Variants in DDAH1 observed in about 807,000 individuals in gnomAD.
The protein encoded by DDAH1 is N(G),N(G)-dimethylarginine dimethylaminohydrolase 1.
Under a neutral mutation model 28.8 loss-of-function variants are expected in DDAH1, and 19 were observed. The observed-to-expected ratio is 0.66, with a 90% confidence interval of 0.46 to 0.97. The LOEUF (loss-of-function observed/expected upper bound fraction) is 0.97. Ranked by LOEUF, DDAH1 falls within the 50% of genes least tolerant of loss-of-function variation. The pLI, the probability that DDAH1 is intolerant of heterozygous loss-of-function variation, is 0.00. For missense variants in DDAH1, 326 were observed against 375.9 expected, an observed-to-expected ratio of 0.87 and a Z score of 1.10; for synonymous variants, 153 against 154.4, an observed-to-expected ratio of 0.99 and a Z score of 0.07.
rs538069065 is a variant in DDAH1 at position 85,575,006 on chromosome 1, G to A, written c.-123+2978C>T. Among the ~76,000 whole-genome samples the A allele has an allele frequency of 1.2e-4, 18 of 152,230 alleles. No homozygotes were observed. In the South Asian group the frequency reaches 2.9e-3, roughly 25 times the overall value. On this transcript the variant is annotated intron_variant, in intron 1 of 6. Transcript: ENST00000426972. The stretch of plus-strand genomic sequence containing the variant: ...TGCAATCTCAGCACTTGGGGAGGCC[G>A]AGATGGGCAGATCGCTTGAGCCCAG...
At chr1:85,570,218 C>A (rs1445836401) in intron 1 of DDAH1, among the ~76,000 whole-genome samples, 1 of 152,168 alleles carries the variant, frequency 6.6e-6, no homozygotes, top group African/African-American at 2.4e-5. Flanking sequence ...TTCTTTCTTG[C>A]TACCACGTGG....
Position 85,392,448 on chromosome 1 carries a change from G to A in DDAH1, c.304-33601C>T, listed in dbSNP as rs147192329. Among the ~76,000 whole-genome samples, 1,173 of 152,228 alleles carry A rather than the reference G, an allele frequency of 7.7e-3. 5 individuals carry two copies. Among genetic ancestry groups the A allele is most frequent in the Non-Finnish European group, 0.012 (797 of 68,008 alleles). On this transcript the variant is annotated intron_variant, in intron 1 of 5. Transcript: ENST00000284031. ...GTTAGGACTTCAACATACGAATTCT[G>A]AGAGGGTATCAATTCAACTCATAAC... is the stretch of plus-strand genomic sequence containing the variant.
intron 1 of DDAH1, among the ~76,000 whole-genome samples, chr1:85,422,659 G>T (rs547190697): frequency 2.0e-5 from 3 of 152,288 alleles, no homozygotes; most frequent in African/African-American, 7.2e-5. Context: ...AGATCCTTTT[G>T]CCACTGAGTG....
chr1:85,415,260 C>T (rs1410078000), intron 1 of DDAH1, among the ~76,000 whole-genome samples: 2 of 152,094 alleles, frequency 1.3e-5, no homozygotes, highest in African/African-American at 4.8e-5. Flanking sequence ...GTGATCCACC[C>T]ACCTTGGCCT....
chr1:85,437,142 C>G (rs1167279131), intron 1 of DDAH1, among the ~76,000 whole-genome samples: 2 of 152,132 alleles, frequency 1.3e-5, no homozygotes, highest in Non-Finnish European at 2.9e-5. Flanking sequence ...AGCCCCTCCA[C>G]ACACACTGGG....
rs145677190 is a variant in DDAH1, at chr1:85,338,940, A to T, written c.597+11475T>A. On this transcript the variant is annotated intron_variant, in intron 4 of 5. Coordinates refer to ENST00000284031, the MANE Select transcript of DDAH1 (RefSeq NM_012137.4). ...TATATGTCTGTAATCCCAGCTACTCAGGAGGCTGAAGAAGGAGAATTGCTT... is the reference window on the plus strand; with the variant it reads ...TATATGTCTGTAATCCCAGCTACTCTGGAGGCTGAAGAAGGAGAATTGCTT... 6.2e-3 allele frequency among the ~76,000 whole-genome samples: 940 copies of T among 151,410 alleles called. 8 individuals carry two copies. Among genetic ancestry groups the T allele is most frequent in the African/African-American group, 0.022 (911 of 41,260 alleles).
intron 2 of DDAH1, among the ~76,000 whole-genome samples, chr1:85,481,515 A>G (rs74098853): frequency 0.018 from 2,799 of 152,336 alleles, 44 homozygotes; most frequent in Middle Eastern, 0.071. Flanking sequence ...ATAACTACCC[A>G]TGTGAATGAT....
intron 1 of DDAH1, among the ~76,000 whole-genome samples, chr1:85,412,145 G>T (rs1312648997): frequency 1.3e-5 from 2 of 152,150 alleles, no homozygotes; most frequent in African/African-American, 4.8e-5. Flanking sequence ...CATGTGAAAG[G>T]TTTTGTTTTA....
intron 5 of DDAH1, 82 bp from the exon 6 acceptor site, chr1:85,321,650 A>G: frequency 1.9e-6 from 2 of 1,072,900 alleles, no homozygotes; most frequent in Non-Finnish European, 2.9e-6. Context: ...TTTGATTTGT[A>G]CATCTAGGCT....
intron 1 of DDAH1, among the ~76,000 whole-genome samples, chr1:85,514,689 T>C (rs1157736784): frequency 4.0e-5 from 6 of 151,660 alleles, no homozygotes; most frequent in African/African-American, 7.3e-5. Flanking sequence ...TGAATTTTTA[T>C]GTATTCAATG....
chr1:85,558,065 A>G (rs973747424), intron 1 of DDAH1, among the ~76,000 whole-genome samples: 2 of 150,364 alleles, frequency 1.3e-5, no homozygotes, highest in African/African-American at 4.9e-5. Context: ...CAAACCAGTA[A>G]AAAAAAAAAA....
chr1:85,497,821 T>G (rs920146048), intron 1 of DDAH1, among the ~76,000 whole-genome samples: 1 of 152,340 alleles, frequency 6.6e-6, no homozygotes, highest in Middle Eastern at 3.4e-3. Flanking sequence ...AAATCATCAA[T>G]GACACATTTT....
At chr1:85,442,039 T>C (rs957183241) in intron 1 of DDAH1, among the ~76,000 whole-genome samples, 8 of 152,270 alleles carry the variant, frequency 5.3e-5, no homozygotes, top group African/African-American at 1.4e-4. Flanking sequence ...AAACTTTTTT[T>C]TTTTAATGCT....
At chr1:85,387,049 C>T (rs1177973647) in intron 1 of DDAH1, among the ~76,000 whole-genome samples, 1 of 152,138 alleles carries the variant, frequency 6.6e-6, no homozygotes, top group African/African-American at 2.4e-5. Flanking sequence ...ACCACTCTGA[C>T]CTCCTAGGTC....
chr1:85,326,348 G>A (rs1647395702), intron 4 of DDAH1, among the ~76,000 whole-genome samples: 1 of 152,232 alleles, frequency 6.6e-6, no homozygotes, highest in Admixed American at 6.5e-5. Flanking sequence ...TTACAGTTTA[G>A]TGGAGGAAAC....
chr1:85,573,702 A>T (rs1659521011), intron 1 of DDAH1, among the ~76,000 whole-genome samples: 1 of 152,242 alleles, frequency 6.6e-6, no homozygotes, highest in African/African-American at 2.4e-5. Flanking sequence ...GGGGACAGGA[A>T]GGAGGGAGAC....
intron 1 of DDAH1, among the ~76,000 whole-genome samples, chr1:85,556,402 T>C (rs1437406356): frequency 6.6e-6 from 1 of 152,206 alleles, no homozygotes; most frequent in East Asian, 1.9e-4. Context: ...CTTGAAAATG[T>C]ACCCAAAGCA....
At chr1:85,571,787 CTTTTTTTTT>C (rs58835610) in intron 1 of DDAH1, among the ~76,000 whole-genome samples, 4 of 85,382 alleles carry the variant, frequency 4.7e-5, no homozygotes, top group Admixed American at 1.5e-4. Flanking sequence ...TGTTTATAAG[CTTTTTTTTT>C]TTTTTTTTTT....
chr1:85,367,043 A>G (rs1460932409), intron 1 of DDAH1, among the ~76,000 whole-genome samples: 1 of 152,160 alleles, frequency 6.6e-6, no homozygotes, highest in East Asian at 1.9e-4. Flanking sequence ...GATTTCATCA[A>G]CTTTGGGTTC....
Sources: gnomAD v4.1 joint callset for allele counts (sites outside exome capture counted in the v4.1 genomes callset) on GRCh38, gnomAD v4.1.1 for gene constraint, MANE v1.5 for transcripts, NCBI Gene and HGNC (gene_info 2026-07-23, HGNC 2026-07-21) for gene names.